The following NARS2 variants were observed in gnomAD, a reference collection of about 807,000 sequenced individuals.
NARS2 encodes the protein asparaginyl-tRNA synthetase.
Under a neutral mutation model 62.9 loss-of-function variants are expected in NARS2, and 60 were observed. The ratio of observed to expected loss-of-function variants is 0.95; its 90% CI spans 0.77 to 1.18. NARS2 has a LOEUF of 1.18. NARS2 is among the 50% of genes most tolerant of loss of function. NARS2 has a pLI of 0.00. For synonymous variants in NARS2, 196 were observed against 200.0 expected, an observed-to-expected ratio of 0.98 and a Z score of 0.17; for missense variants, 619 against 576.4, an observed-to-expected ratio of 1.07 and a Z score of -0.76.
intron 11 of NARS2, 89 bp downstream of exon 11, chr11:78,465,787 T>C (rs1483618270): frequency 2.8e-5 from 39 of 1,381,914 alleles, no homozygotes; most frequent in Non-Finnish European, 4.0e-5. Flanking sequence ...GATAGAGTGA[T>C]AGATGACATT....
chr11:78,474,622 C>G (rs1411165277), intron 9 of NARS2, among the ~76,000 whole-genome samples: 4 of 152,128 alleles, frequency 2.6e-5, no homozygotes, highest in Non-Finnish European at 4.4e-5. Context: ...CACAGTTACT[C>G]AAGTCACTTG....
At chr11:78,541,134 T>C (rs1485734472) in intron 5 of NARS2, among the ~76,000 whole-genome samples, 1 of 152,164 alleles carries the variant, frequency 6.6e-6, no homozygotes, top group Non-Finnish European at 1.5e-5. Context: ...TACTCCAGCC[T>C]GAGTGACAAC....
rs140401988 is a variant in NARS2, at chr11:78,447,555, T to C, written c.1165-3797A>G. ...GGTGGTGATATCTGCACTCTAATGTTCACTGCAGCATTACTCACAATAGTA... is the reference window on the plus strand; with the variant it reads ...GGTGGTGATATCTGCACTCTAATGTCCACTGCAGCATTACTCACAATAGTA... On this transcript the variant is annotated intron_variant, in intron 11 of 13. Coordinates refer to ENST00000281038, the MANE Select transcript of NARS2 (RefSeq NM_024678.6). Among the ~76,000 whole-genome samples, 355 of 152,184 alleles carry C rather than the reference T, an allele frequency of 2.3e-3. 1 individual carries two copies. The highest frequency in any genetic ancestry group is 7.9e-3 in the African/African-American group (330 of 41,510).
At chr11:78,568,559 T>A (rs940815823) in intron 3 of NARS2, 73 bp downstream of exon 3, 1 of 1,470,438 alleles carries the variant, frequency 6.8e-7, no homozygotes, top group Non-Finnish European at 9.2e-7. Flanking sequence ...ATCTTCCTAA[T>A]AATCACACTT....
At chr11:78,438,652 T>G (rs533339222) in intron 13 of NARS2, among the ~76,000 whole-genome samples, 1 of 152,210 alleles carries the variant, frequency 6.6e-6, no homozygotes, top group African/African-American at 2.4e-5. Flanking sequence ...CTAATGTATA[T>G]GTATTTGTTT....
At chr11:78,442,525 C>T (rs1164579465) in intron 12 of NARS2, among the ~76,000 whole-genome samples, 2 of 152,060 alleles carry the variant, frequency 1.3e-5, no homozygotes, top group African/African-American at 4.8e-5. Context: ...TCACAAATGG[C>T]TAACAGAATA....
intron 2 of NARS2, among the ~76,000 whole-genome samples, chr11:78,569,711 G>C (rs1040539408): frequency 6.6e-6 from 1 of 152,120 alleles, no homozygotes; most frequent in African/African-American, 2.4e-5. Flanking sequence ...AGGGTAATTT[G>C]AGATGCTCTG....
chr11:78,568,887 A>C, intron 2 of NARS2, 135 bp from the exon 3 acceptor site: 1 of 616,974 alleles, frequency 1.6e-6, no homozygotes, highest in Non-Finnish European at 2.7e-6. Context: ...AATCTTCAGA[A>C]TCTATGGATA....
intron 11 of NARS2, among the ~76,000 whole-genome samples, chr11:78,446,758 A>G (rs1857774744): frequency 6.6e-6 from 1 of 152,224 alleles, no homozygotes; most frequent in Admixed American, 6.5e-5. Flanking sequence ...AATATAGAGA[A>G]AAAGTTCTAT....
At chr11:78,456,914 T>C (rs908617104) in intron 11 of NARS2, among the ~76,000 whole-genome samples, 3 of 152,236 alleles carry the variant, frequency 2.0e-5, no homozygotes, top group African/African-American at 7.2e-5. Context: ...TGATCAAATA[T>C]GCTCAGTAAT....
At chr11:78,506,797 C>T (rs997256096) in intron 6 of NARS2, among the ~76,000 whole-genome samples, 11 of 152,190 alleles carry the variant, frequency 7.2e-5, no homozygotes, top group Admixed American at 1.3e-4. Flanking sequence ...CCTCAGCCTC[C>T]GACAGTGTTG....
intron 5 of NARS2, among the ~76,000 whole-genome samples, chr11:78,547,292 G>C (rs939535488): frequency 2.0e-5 from 3 of 151,958 alleles, no homozygotes; most frequent in African/African-American, 7.3e-5. Flanking sequence ...CTCAGAAACT[G>C]TTCATTTCTT....
At chr11:78,476,141 A>G (rs1859085509) in intron 9 of NARS2, among the ~76,000 whole-genome samples, 1 of 152,178 alleles carries the variant, frequency 6.6e-6, no homozygotes, top group South Asian at 2.1e-4. Flanking sequence ...TTTCCTACTG[A>G]GCTTCTGCAG....
chr11:78,574,494 G>T lies in NARS2; in HGVS notation c.-6C>A. 6.2e-7 allele frequency: 1 copy of T among 1,606,698 alleles called. No individual in the cohort carries two copies. The highest frequency in any genetic ancestry group is 8.5e-7 in the Non-Finnish European group (1 of 1,177,152). On this transcript the variant is annotated 5_prime_UTR_variant, in exon 1 of 14. Coordinates refer to ENST00000281038, the MANE Select transcript of NARS2 (RefSeq NM_024678.6). ...AGGCAGCGGACCCCCAGCATCCCGC[G>T]TCCGCCCAGGCCCTCCGCGGGAGCA...
chr11:78,549,729 T>C (rs529129069), intron 5 of NARS2, among the ~76,000 whole-genome samples: 1 of 151,688 alleles, frequency 6.6e-6, no homozygotes, highest in Admixed American at 6.6e-5. Flanking sequence ...GCTTAAGAGG[T>C]GGGTGTGGTC....
chr11:78,541,726 C>G (rs1212703507), intron 5 of NARS2, among the ~76,000 whole-genome samples: 3 of 152,048 alleles, frequency 2.0e-5, no homozygotes, highest in African/African-American at 4.8e-5. Flanking sequence ...ATCAACCAAC[C>G]AAGCAATCAA....
chr11:78,542,332 C>T (rs554829024), intron 5 of NARS2, among the ~76,000 whole-genome samples: 2 of 152,290 alleles, frequency 1.3e-5, no homozygotes, highest in African/African-American at 2.4e-5. Context: ...ATATACAATG[C>T]TGCCTTATTT....
At chr11:78,526,750 T>C (rs980113042) in intron 6 of NARS2, among the ~76,000 whole-genome samples, 1 of 152,174 alleles carries the variant, frequency 6.6e-6, no homozygotes, top group South Asian at 2.1e-4. Context: ...GGTATTATAA[T>C]AGAGAAACAA....
chr11:78,553,381 C>T (rs191047614), intron 5 of NARS2, among the ~76,000 whole-genome samples: 256 of 152,154 alleles, frequency 1.7e-3, no homozygotes, highest in Non-Finnish European at 2.5e-3. Flanking sequence ...CTGCACCTCC[C>T]GGGTTCAAGC....
Sources: gnomAD v4.1 joint callset for allele counts (sites outside exome capture counted in the v4.1 genomes callset) on GRCh38, gnomAD v4.1.1 for gene constraint, MANE v1.5 for transcripts, NCBI Gene and HGNC (gene_info 2026-07-23, HGNC 2026-07-21) for gene names.